Variants in PLD5 observed in about 807,000 individuals in gnomAD.
PLD5 encodes the protein phospholipase D family member 5, also known as inactive phospholipase D5.
Under a neutral mutation model 61.1 loss-of-function variants are expected in PLD5, and 36 were observed. That is an observed-to-expected ratio of 0.59 (90% CI 0.45 to 0.78). The LOEUF (loss-of-function observed/expected upper bound fraction) is 0.78, where lower values mean the gene tolerates loss of function less well. Among genes scored for constraint, PLD5 ranks in the 30% least tolerant of loss-of-function variants. The probability of loss-of-function intolerance (pLI) is 0.00; values close to 1 mark genes in which losing one functional copy is unlikely to be tolerated. For missense variants in PLD5, 515 were observed against 644.4 expected (o/e 0.80, Z 2.17); for synonymous variants, 243 against 242.8 (o/e 1.00, Z -0.01).
At chr1:242,341,524 A>C (rs1659831243) in intron 2 of PLD5, among the ~76,000 whole-genome samples, 1 of 98,074 alleles carries the variant, frequency 1.0e-5, no homozygotes, top group African/African-American at 3.8e-5. Flanking sequence ...TAATAGAGAA[A>C]CTTGAAAATT....
chr1:242,153,135 G>C (rs1014749233), intron 5 of PLD5, among the ~76,000 whole-genome samples: 37 of 150,992 alleles, frequency 2.5e-4, no homozygotes. Context: ...TCATATGTTT[G>C]TTGTCTGCAT....
intron 5 of PLD5, among the ~76,000 whole-genome samples, chr1:242,177,187 T>C (rs1232931457): frequency 1.3e-5 from 2 of 152,172 alleles, no homozygotes; most frequent in African/African-American, 2.4e-5. Flanking sequence ...ATTGATAGAC[T>C]GGATAAAGAA....
intron 2 of PLD5, among the ~76,000 whole-genome samples, chr1:242,292,824 T>C (rs1474235398): frequency 1.3e-5 from 2 of 152,230 alleles, no homozygotes; most frequent in Admixed American, 1.3e-4. Flanking sequence ...ATTTTGTGAA[T>C]ATGTACTGCA....
At chr1:242,307,873 CA>C (rs1390513748) in intron 2 of PLD5, among the ~76,000 whole-genome samples, 1 of 152,110 alleles carries the variant, frequency 6.6e-6, no homozygotes, top group Non-Finnish European at 1.5e-5. Context: ...AATCTAGCTT[CA>C]ATTTTCACCA....
At chr1:242,205,122 T>C (rs1187106924) in intron 5 of PLD5, among the ~76,000 whole-genome samples, 1 of 152,184 alleles carries the variant, frequency 6.6e-6, no homozygotes, top group African/African-American at 2.4e-5. Flanking sequence ...CAGACTATCA[T>C]GCCATTTAGA....
At position 242,256,993 on chromosome 1, in the gene PLD5, C is replaced by T. The variant is rs116072141; in HGVS notation, c.607+8344G>A. On this transcript the variant is annotated intron_variant, in intron 4 of 9. Transcript: ENST00000536534. The surrounding 1 kb of genome is among the most constrained non-coding windows in gnomAD (Gnocchi z 5.7). ...ATCTACCTACCTACCTACCTTCTTT[C>T]TATCATCTATCTATCTATCATCTAT... Among the ~76,000 whole-genome samples, 1,757 of 151,708 alleles carry T rather than the reference C, an allele frequency of 0.012. 45 individuals carry two copies. The highest frequency in any genetic ancestry group is 0.04 in the African/African-American group (1,672 of 41,348).
chr1:242,257,150 T>C (rs1468012569), intron 4 of PLD5, among the ~76,000 whole-genome samples: 3 of 152,130 alleles, frequency 2.0e-5, no homozygotes, highest in Non-Finnish European at 4.4e-5. Flanking sequence ...CTTCTATCTA[T>C]GTATCTACTA....
At chr1:242,325,535 G>C (rs1658708106) in intron 2 of PLD5, among the ~76,000 whole-genome samples, 2 of 152,066 alleles carry the variant, frequency 1.3e-5, no homozygotes, top group South Asian at 4.1e-4. Context: ...GTCTTGCTCT[G>C]TCGCCAGGCT....
chr1:242,088,804 G>T lies in PLD5; in HGVS notation c.*1050C>A, dbSNP rs1659598872. On this transcript the variant is annotated 3_prime_UTR_variant, in exon 10 of 10. Transcript: ENST00000536534. ...ATATGTTAAGCACAGTATTTAAATT[G>T]CATTTCTCTGAAAAGCATTTGGTAT... The T allele has an allele frequency of 6.6e-6, 1 of 152,246 alleles. No individual in the cohort carries two copies. Among genetic ancestry groups the T allele is most frequent in the African/African-American group, 2.4e-5 (1 of 41,420 alleles). The allele number at this position is 152,246 out of a possible 1,614,324, so 9.4% of individuals were successfully genotyped here. A position where few individuals can be genotyped will look rare whatever the true frequency, so the allele number is the denominator to read the frequency against.
intron 7 of PLD5, among the ~76,000 whole-genome samples, chr1:242,112,339 G>GATAGA (rs1558233108): frequency 1.5e-4 from 22 of 143,422 alleles, no homozygotes; most frequent in African/African-American, 5.6e-4. Flanking sequence ...ATGTATATGT[G>GATAGA]TATATATATA....
At chr1:242,492,533 A>AG (rs1668197304) in intron 1 of PLD5, among the ~76,000 whole-genome samples, 1 of 151,860 alleles carries the variant, frequency 6.6e-6, no homozygotes, top group Non-Finnish European at 1.5e-5. Context: ...AAAAAAAAAA[A>AG]AAAGAAAAGA....
chr1:242,497,973 A>ATTT (rs397828359), intron 1 of PLD5, among the ~76,000 whole-genome samples: 4 of 151,402 alleles, frequency 2.6e-5, no homozygotes, highest in African/African-American at 7.3e-5. Flanking sequence ...TTATTTATTT[A>ATTT]ATTTTTTTTG....
intron 4 of PLD5, among the ~76,000 whole-genome samples, chr1:242,234,915 G>A (rs748226764): frequency 2.0e-5 from 3 of 151,538 alleles, no homozygotes; most frequent in Non-Finnish European, 4.4e-5. Flanking sequence ...CCTGACATCC[G>A]ACTTCCTAGT....
At chr1:242,522,666 G>A (rs1456340420) in intron 1 of PLD5, among the ~76,000 whole-genome samples, 2 of 152,172 alleles carry the variant, frequency 1.3e-5, no homozygotes, top group Non-Finnish European at 2.9e-5. Context: ...CATGCTCTTT[G>A]CATGTAATGC....
chr1:242,242,676 C>T (rs1405381727), intron 4 of PLD5, among the ~76,000 whole-genome samples: 1 of 152,236 alleles, frequency 6.6e-6, no homozygotes, highest in African/African-American at 2.4e-5. Flanking sequence ...ATAGCATCTT[C>T]CTTTCTGGGA....
chr1:242,520,459 T>G (rs1442371243), intron 1 of PLD5, among the ~76,000 whole-genome samples: 3 of 152,364 alleles, frequency 2.0e-5, no homozygotes, highest in East Asian at 3.9e-4. Flanking sequence ...TTGGTAACTG[T>G]GAGCCCTTTG....
In PLD5 at chr1:242,166,562, G is replaced by A. The variant is rs182199201; in HGVS notation, c.736-41897C>T. Among the ~76,000 whole-genome samples the A allele has an allele frequency of 3.5e-4, 54 of 152,302 alleles. 1 individual carries two copies. In the East Asian group the frequency reaches 8.5e-3, roughly 24 times the overall value. On this transcript the variant is annotated intron_variant, in intron 5 of 9. Coordinates refer to ENST00000536534, the MANE Select transcript of PLD5 (RefSeq NM_001372062.1). ...GATGCATCATTCGACTCCGAAACCC[G>A]AAACAAATCCCAAGATTATTAAAAG...
At chr1:242,228,243 A>G (rs1671078777) in intron 4 of PLD5, among the ~76,000 whole-genome samples, 1 of 152,230 alleles carries the variant, frequency 6.6e-6, no homozygotes, top group Admixed American at 6.5e-5. Context: ...AACTAGATCT[A>G]TCTTCCATAT....
intron 1 of PLD5, among the ~76,000 whole-genome samples, chr1:242,514,392 G>A (rs11586939): frequency 6.6e-6 from 1 of 152,186 alleles, no homozygotes; most frequent in South Asian, 2.1e-4. Context: ...ATCCTTCTCT[G>A]GACAAGGCAT....
Sources: gnomAD v4.1 joint callset for allele counts (sites outside exome capture counted in the v4.1 genomes callset) on GRCh38, gnomAD v4.1.1 for gene constraint, Gnocchi (gnomAD v3.1) non-coding constraint, MANE v1.5 for transcripts, NCBI Gene and HGNC (gene_info 2026-07-23, HGNC 2026-07-21) for gene names.